The following CMIP variants were observed in gnomAD, a reference collection of about 807,000 sequenced individuals.
CMIP encodes the protein C-Maf-inducing protein.
Under a neutral mutation model 97.3 loss-of-function variants are expected in CMIP, and 13 were observed. The ratio of observed to expected loss-of-function variants is 0.13; its 90% CI spans 0.09 to 0.21. CMIP has a LOEUF of 0.21. CMIP is among the 10% of genes least tolerant of loss of function. The pLI, the probability that CMIP is intolerant of heterozygous loss-of-function variation, is 1.00. For missense variants in CMIP, 847 were observed against 1,024.9 expected (o/e 0.83, Z 2.37); for synonymous variants, 538 against 436.3 (o/e 1.23, Z -2.91).
chr16:81,560,156 A>G (rs535271920), intron 1 of CMIP, among the ~76,000 whole-genome samples: 17 of 134,586 alleles, frequency 1.3e-4, no homozygotes, highest in African/African-American at 4.0e-4. Context: ...TAAAAAAAAA[A>G]AAAAAGAAAA....
intron 2 of CMIP, chr16:81,610,540 G>A: frequency 1.0e-6 from 1 of 985,550 alleles, no homozygotes; most frequent in Non-Finnish European, 1.2e-6. Context: ...GGGGAACCCA[G>A]GTGGGTGCAG....
intron 1 of CMIP, among the ~76,000 whole-genome samples, chr16:81,580,950 C>T (rs188981585): frequency 6.6e-6 from 1 of 152,276 alleles, no homozygotes; most frequent in Admixed American, 6.5e-5. Context: ...TCTCTTCCAG[C>T]CCCCTGACAG....
At chr16:81,602,850 T>G (rs999281998) in intron 1 of CMIP, among the ~76,000 whole-genome samples, 2 of 152,180 alleles carry the variant, frequency 1.3e-5, no homozygotes, top group African/African-American at 4.8e-5. Flanking sequence ...CCCCTGGAGC[T>G]CCGGTCGTCA....
At chr16:81,676,240 A>G (rs1904306054) in intron 9 of CMIP, among the ~76,000 whole-genome samples, 2 of 152,156 alleles carry the variant, frequency 1.3e-5, no homozygotes, top group Non-Finnish European at 1.5e-5. Flanking sequence ...AGCTGATGCC[A>G]TACATTTCCT....
At position 81,597,600 on chromosome 16, in the gene CMIP, G is replaced by C. The variant is rs1023170363; in HGVS notation, c.301-9967G>C. Among the ~76,000 whole-genome samples, 25 of 151,680 alleles carry C rather than the reference G, an allele frequency of 1.6e-4. 2 individuals are homozygous for C. The highest frequency in any genetic ancestry group is 6.3e-4 in the South Asian group (3 of 4,780). ...GGAGGTGAGCGAGGGGAGCGGGGGG[G>C]GGGGAGTCTCCCAGCCTGGAAGGTC... On this transcript the variant is annotated intron_variant, in intron 1 of 20. Transcript: ENST00000537098.
At chr16:81,596,005 G>T (rs996824629) in intron 1 of CMIP, among the ~76,000 whole-genome samples, 1 of 152,084 alleles carries the variant, frequency 6.6e-6, no homozygotes, top group Non-Finnish European at 1.5e-5. Context: ...GGTGTAAGCA[G>T]GTTTCACTTT....
intron 3 of CMIP, among the ~76,000 whole-genome samples, chr16:81,634,985 A>G (rs1340076057): frequency 1.3e-5 from 2 of 152,202 alleles, no homozygotes; most frequent in East Asian, 3.8e-4. Flanking sequence ...ATCAGGCCCA[A>G]AGGAAACAGA....
intron 1 of CMIP, among the ~76,000 whole-genome samples, chr16:81,472,672 G>A (rs904294710): frequency 1.3e-5 from 2 of 152,252 alleles, no homozygotes; most frequent in Non-Finnish European, 2.9e-5. Flanking sequence ...GGACAGTAGA[G>A]GGGCAGGGTG....
intron 1 of CMIP, among the ~76,000 whole-genome samples, chr16:81,600,389 T>C (rs1202713418): frequency 2.0e-5 from 3 of 149,906 alleles, no homozygotes; most frequent in Non-Finnish European, 4.4e-5. Context: ...GGCCTGCCCA[T>C]ACAATGGAAT....
chr16:81,537,220 G>A (rs2090359627), intron 1 of CMIP, among the ~76,000 whole-genome samples: 2 of 152,104 alleles, frequency 1.3e-5, no homozygotes, highest in African/African-American at 4.8e-5. Flanking sequence ...GGGGCATCCT[G>A]AGAAATAAAG....
At chr16:81,608,982 C>G (rs2091787141) in intron 2 of CMIP, among the ~76,000 whole-genome samples, 1 of 152,194 alleles carries the variant, frequency 6.6e-6, no homozygotes, top group African/African-American at 2.4e-5. Flanking sequence ...GTCACCCAGT[C>G]TGGGCTCCAA....
In CMIP at chr16:81,582,791, C is replaced by T. The variant is rs529212792; in HGVS notation, c.301-24776C>T. Reference sequence around the variant, plus strand: ...CAAATCAGGATGAAGCAAGAGGGAACGCTTTCATGAACGGCGAGCGGAATG... The same window carrying T: ...CAAATCAGGATGAAGCAAGAGGGAATGCTTTCATGAACGGCGAGCGGAATG... On this transcript the variant is annotated intron_variant, in intron 1 of 20. Coordinates refer to ENST00000537098, the MANE Select transcript of CMIP (RefSeq NM_198390.3). Among the ~76,000 whole-genome samples the T allele has an allele frequency of 6.6e-5, 10 of 152,286 alleles. No homozygotes were observed. The South Asian group carries it at 1.9e-3, about 28-fold the overall frequency.
chr16:81,498,534 C>T (rs1324914115), intron 1 of CMIP, among the ~76,000 whole-genome samples: 1 of 152,228 alleles, frequency 6.6e-6, no homozygotes, highest in Non-Finnish European at 1.5e-5. Flanking sequence ...GCTCCTCGCG[C>T]CTCACTCTGA....
intron 1 of CMIP, among the ~76,000 whole-genome samples, chr16:81,523,348 C>A (rs1360346490): frequency 6.6e-6 from 1 of 152,222 alleles, no homozygotes; most frequent in African/African-American, 2.4e-5. Flanking sequence ...TGTGGAGTCA[C>A]TCCCTGTTTG....
chr16:81,494,070 G>A (rs531026111), intron 1 of CMIP, among the ~76,000 whole-genome samples: 1 of 152,334 alleles, frequency 6.6e-6, no homozygotes, highest in East Asian at 1.9e-4. Context: ...CAGAGTCCCT[G>A]GCTCAAAGGT....
intron 3 of CMIP, among the ~76,000 whole-genome samples, chr16:81,643,967 C>G (rs572077822): frequency 1.6e-4 from 25 of 152,136 alleles, no homozygotes; most frequent in Admixed American, 1.6e-3. Flanking sequence ...CTGTGTGATT[C>G]CCGGAGGCAC....
At chr16:81,502,452 C>T (rs2089630283) in intron 1 of CMIP, among the ~76,000 whole-genome samples, 1 of 152,192 alleles carries the variant, frequency 6.6e-6, no homozygotes, top group African/African-American at 2.4e-5. Flanking sequence ...CCACAGAGCA[C>T]CCAGCCTGGC....
At chr16:81,620,958 G>A (rs372444412) in intron 3 of CMIP, 32 bp downstream of exon 3, 20 of 1,612,206 alleles carry the variant, frequency 1.2e-5, no homozygotes, top group African/African-American at 1.1e-4. Context: ...TGTTTAAAGC[G>A]ACTCAGGCAG....
rs57553196 is a variant in CMIP at position 81,504,052 on chromosome 16, G to A, written c.300+58511G>A. ...TAGAAAAAGGTCAGTGGGGTTGGGCGCCGTGGCTTACACCTGTAATTCCAG... is the reference window on the plus strand; with the variant it reads ...TAGAAAAAGGTCAGTGGGGTTGGGCACCGTGGCTTACACCTGTAATTCCAG... On this transcript the variant is annotated intron_variant, in intron 1 of 20. Coordinates refer to ENST00000537098, the MANE Select transcript of CMIP (RefSeq NM_198390.3). Among the ~76,000 whole-genome samples, 22 of 152,338 alleles carry A rather than the reference G, an allele frequency of 1.4e-4. No individual in the cohort carries two copies. The East Asian group carries it at 3.9e-3, about 27-fold the overall frequency.
Sources: gnomAD v4.1 joint callset for allele counts (sites outside exome capture counted in the v4.1 genomes callset) on GRCh38, gnomAD v4.1.1 for gene constraint, MANE v1.5 for transcripts, NCBI Gene and HGNC (gene_info 2026-07-23, HGNC 2026-07-21) for gene names.